Variants in TPD52 observed in about 807,000 individuals in gnomAD.
The protein encoded by TPD52 is tumor protein D52, also known as prostate and colon associated protein.
In TPD52, 17 loss-of-function variants were observed where a neutral mutation model predicts 31.3. The ratio of observed to expected loss-of-function variants is 0.54; its 90% CI spans 0.37 to 0.82. The LOEUF is 0.82. Ranked by LOEUF, TPD52 falls within the 40% of genes least tolerant of loss-of-function variation. The pLI, the probability that TPD52 is intolerant of heterozygous loss-of-function variation, is 0.00. For missense variants in TPD52, 212 were observed against 240.1 expected (o/e 0.88, Z 0.77); for synonymous variants, 83 against 89.6 (o/e 0.93, Z 0.42).
chr8:80,170,288 C>T (rs984804903), intron 1 of TPD52, among the ~76,000 whole-genome samples: 8 of 152,008 alleles, frequency 5.3e-5, no homozygotes, highest in African/African-American at 1.9e-4. Context: ...TGGTGGCGCA[C>T]ACCTGTAATC....
chr8:80,059,067 C>G (rs555392126), intron 2 of TPD52, among the ~76,000 whole-genome samples: 1 of 152,226 alleles, frequency 6.6e-6, no homozygotes, highest in South Asian at 2.1e-4. Flanking sequence ...ATACGTTAGG[C>G]AACAAAACAA....
In TPD52 at chr8:80,044,176, G is replaced by T; in HGVS notation, c.446C>A (p.Pro149His). The T allele has an allele frequency of 6.3e-7, 1 of 1,584,502 alleles. No individual in the cohort carries two copies. The highest frequency in any genetic ancestry group is 8.5e-7 in the Non-Finnish European group (1 of 1,170,538). The change falls in exon 6 of 8, where the codon CCT becomes CAT. Residue 149 changes from proline to histidine, a missense_variant. Physicochemically the swap from Pro to His is moderately conservative, Grantham distance 77. Coordinates refer to ENST00000518937, the MANE Select transcript of TPD52 (RefSeq NM_001025253.3). Reference protein sequence around the residue: ...IRSIQHSISMPAMRNSPTFKS... With the variant: ...IRSIQHSISMHAMRNSPTFKS... ...TAAAAATATACTTTACCTCATAGCA[G>T]GCATGCTAATTGAATGCTGAATGGA...
At chr8:80,144,091 T>G (rs1346719312) in intron 1 of TPD52, among the ~76,000 whole-genome samples, 2 of 152,204 alleles carry the variant, frequency 1.3e-5, no homozygotes, top group Non-Finnish European at 2.9e-5. Context: ...TCTAAAAATG[T>G]TGAAGGTATA....
At chr8:80,166,870 C>T (rs1462645796) in intron 1 of TPD52, among the ~76,000 whole-genome samples, 1 of 152,072 alleles carries the variant, frequency 6.6e-6, no homozygotes, top group Admixed American at 6.5e-5. Context: ...CACGCCACTG[C>T]ACTCCACCCT....
intron 1 of TPD52, among the ~76,000 whole-genome samples, chr8:80,099,699 C>T (rs754112114): frequency 3.3e-5 from 5 of 151,980 alleles, no homozygotes; most frequent in Admixed American, 6.6e-5. Flanking sequence ...TTAGTAGAGA[C>T]GGGGTTTTAC....
At chr8:80,034,278 C>G (rs1809772395), downstream of TPD52, among the ~76,000 whole-genome samples, 2 of 152,154 alleles carry the variant, frequency 1.3e-5, no homozygotes, top group African/African-American at 4.8e-5. Context: ...CGAGAGCACA[C>G]AGATGCCTGG....
chr8:80,153,348 T>C (rs924079919), intron 1 of TPD52, among the ~76,000 whole-genome samples: 3 of 152,130 alleles, frequency 2.0e-5, no homozygotes, highest in Non-Finnish European at 2.9e-5. Flanking sequence ...GCAGAGTATA[T>C]TGCCTTGGAA....
intron 1 of TPD52, among the ~76,000 whole-genome samples, chr8:80,069,989 A>G (rs1441278933): frequency 6.6e-6 from 1 of 152,210 alleles, no homozygotes; most frequent in African/African-American, 2.4e-5. Context: ...AGAACAGTCA[A>G]TGTTAATATT....
chr8:80,096,205 A>G (rs1045126211), intron 1 of TPD52, among the ~76,000 whole-genome samples: 5 of 152,136 alleles, frequency 3.3e-5, no homozygotes, highest in African/African-American at 1.2e-4. Context: ...GCAGTGAGCC[A>G]TGATTGTGCC....
chr8:80,044,103 T>C (rs931090427), intron 6 of TPD52, 64 bp downstream of exon 6: 2 of 1,386,714 alleles, frequency 1.4e-6, no homozygotes, highest in Admixed American at 4.3e-5. Flanking sequence ...CAGTTCAAGT[T>C]AAACATCTAA....
At chr8:80,059,448 G>A (rs1359465311) in intron 2 of TPD52, among the ~76,000 whole-genome samples, 5 of 103,722 alleles carry the variant, frequency 4.8e-5, no homozygotes, top group Non-Finnish European at 2.3e-5. Flanking sequence ...GAATAAGGAA[G>A]AGATTAGATA....
At chr8:80,160,889 C>CAAAAAAAAAAAAAAAAAA (rs58923055) in intron 1 of TPD52, among the ~76,000 whole-genome samples, 5 of 95,042 alleles carry the variant, frequency 5.3e-5, no homozygotes, top group African/African-American at 2.2e-4. Flanking sequence ...ACTAAAAATA[C>CAAAAAAAAAAAAAAAAAA]AAAAAAAAAA....
rs1036812644 is a variant in TPD52 at position 80,171,501 on chromosome 8, C to G, written c.-58G>C. 3.1e-5 allele frequency: 47 copies of G among 1,519,974 alleles called. No homozygotes were observed. In the African/African-American group the frequency reaches 5.7e-4, roughly 18 times the overall value. The allele number at this position is 1,519,974 out of a possible 1,614,324, so 94.2% of individuals were successfully genotyped here. A position where few individuals can be genotyped will look rare whatever the true frequency, so the allele number is the denominator to read the frequency against. On this transcript the variant is annotated 5_prime_UTR_variant, in exon 1 of 8. Coordinates refer to ENST00000518937, the MANE Select transcript of TPD52 (RefSeq NM_001025253.3). The stretch of plus-strand genomic sequence containing the variant: ...CACCCCCGCCTGCAGCCCGTCCCGG[C>G]TCGGATCGCCCGCCGCGCCGCGCAG...
chr8:80,160,965 G>A (rs1811321707), intron 1 of TPD52, among the ~76,000 whole-genome samples: 1 of 151,564 alleles, frequency 6.6e-6, no homozygotes, highest in Admixed American at 6.6e-5. Flanking sequence ...GGGAGGCTGA[G>A]GCACGAGAAT....
At chr8:80,059,582 A>G (rs750329983) in intron 2 of TPD52, among the ~76,000 whole-genome samples, 2 of 152,180 alleles carry the variant, frequency 1.3e-5, no homozygotes, top group African/African-American at 2.4e-5. Flanking sequence ...AGCCAGGCGC[A>G]GTGGCTCACG....
intron 1 of TPD52, chr8:80,080,282 A>T: frequency 6.2e-7 from 1 of 1,603,408 alleles, no homozygotes; most frequent in South Asian, 1.1e-5. Flanking sequence ...GTTTTATTCC[A>T]AGCAAACTTA....
In TPD52 at chr8:80,054,472, C is replaced by T. The variant is rs546242883; in HGVS notation, c.136-1042G>A. 4.5e-4 allele frequency among the ~76,000 whole-genome samples: 68 copies of T among 152,058 alleles called. 1 individual carries two copies. The highest frequency in any genetic ancestry group is 8.5e-4 in the Admixed American group (13 of 15,282). On this transcript the variant is annotated intron_variant, in intron 2 of 7. Coordinates refer to ENST00000518937, the MANE Select transcript of TPD52 (RefSeq NM_001025253.3). ...ACACCATGTGGAAGAGACTTTAGGT[C>T]CCAGGAAATTGAAAATCTAGGTCCC...
At chr8:80,099,938 T>C (rs1316599981) in intron 1 of TPD52, among the ~76,000 whole-genome samples, 2 of 152,238 alleles carry the variant, frequency 1.3e-5, no homozygotes, top group African/African-American at 4.8e-5. Context: ...AAACAGCCTA[T>C]CAAGATGACA....
chr8:80,155,005 T>G (rs1810858461), intron 1 of TPD52, among the ~76,000 whole-genome samples: 1 of 150,042 alleles, frequency 6.7e-6, no homozygotes, highest in Non-Finnish European at 1.5e-5. Context: ...TTTTTTGTTT[T>G]TTTTTTTTTT....
Sources: allele counts gnomAD v4.1 joint callset (sites outside exome capture counted in the v4.1 genomes callset), GRCh38; gene constraint gnomAD v4.1.1; transcripts MANE v1.5; gene names NCBI Gene and HGNC (gene_info 2026-07-23, HGNC 2026-07-21).